Variants in CEP128 observed in about 807,000 individuals in gnomAD.
The protein encoded by CEP128 is centrosomal protein 128kDa.
Under a neutral mutation model 156.7 loss-of-function variants are expected in CEP128, and 132 were observed. That is an observed-to-expected ratio of 0.84 (90% confidence interval 0.73 to 0.97). The LOEUF (loss-of-function observed/expected upper bound fraction) is 0.97. Among genes scored for constraint, CEP128 ranks in the 50% least tolerant of loss-of-function variants. The probability of loss-of-function intolerance (pLI) is 0.00; values close to 1 mark genes in which losing one functional copy is unlikely to be tolerated. For missense variants in CEP128, 1,252 were observed against 1,281.9 expected, an observed-to-expected ratio of 0.98 and a Z score of 0.36; for synonymous variants, 469 against 448.9, an observed-to-expected ratio of 1.04 and a Z score of -0.57.
intron 13 of CEP128, among the ~76,000 whole-genome samples, chr14:80,812,805 C>T (rs1487197404): frequency 2.0e-5 from 3 of 152,114 alleles, no homozygotes; most frequent in African/African-American, 7.2e-5. Context: ...CCTCGTGATC[C>T]GCCAACCTCA....
intron 9 of CEP128, among the ~76,000 whole-genome samples, chr14:80,846,981 A>G (rs78502324): frequency 1.3e-5 from 2 of 152,288 alleles, no homozygotes; most frequent in East Asian, 3.9e-4. Context: ...CAATACCAGA[A>G]AGATAATATA....
chr14:80,924,925 T>G (rs553105215), intron 2 of CEP128, among the ~76,000 whole-genome samples: 130 of 151,522 alleles, frequency 8.6e-4, no homozygotes, highest in Non-Finnish European at 1.7e-3. Flanking sequence ...ACAATGGCAG[T>G]GGAGATGAAG....
At chr14:80,536,396 A>T (rs756498635) in intron 21 of CEP128, among the ~76,000 whole-genome samples, 3 of 152,196 alleles carry the variant, frequency 2.0e-5, no homozygotes, top group Non-Finnish European at 4.4e-5. Flanking sequence ...ATTAAAGGAG[A>T]TGATATCTAC....
At chr14:80,760,649 C>T (rs327440) in intron 17 of CEP128, among the ~76,000 whole-genome samples, 62,001 of 151,826 alleles carry the variant, frequency 0.41, 13,062 homozygotes, top group African/African-American at 0.49. Context: ...TGTATTATGG[C>T]TACACATATC....
intron 22 of CEP128, among the ~76,000 whole-genome samples, chr14:80,528,266 A>C (rs1394655828): frequency 6.6e-6 from 1 of 152,196 alleles, no homozygotes; most frequent in African/African-American, 2.4e-5. Flanking sequence ...GTAATGTTTA[A>C]ATATGGAATT....
intron 19 of CEP128, among the ~76,000 whole-genome samples, chr14:80,659,234 C>G (rs1017861059): frequency 1.3e-5 from 2 of 151,774 alleles, no homozygotes; most frequent in Admixed American, 1.3e-4. Flanking sequence ...AGAAAAGTGG[C>G]AAGATTTGGT....
chr14:80,849,537 A>G (rs1255233743), intron 9 of CEP128, among the ~76,000 whole-genome samples: 1 of 152,218 alleles, frequency 6.6e-6, no homozygotes, highest in Non-Finnish European at 1.5e-5. Context: ...TCTAAATACT[A>G]TCCTAATACT....
chr14:80,955,953 T>C (rs1566735607), intron 2 of CEP128: 2 of 1,377,642 alleles, frequency 1.5e-6, no homozygotes, highest in African/African-American at 2.8e-5. Flanking sequence ...CGAAGTAGTG[T>C]GTGAGTGTGT....
intron 19 of CEP128, among the ~76,000 whole-genome samples, chr14:80,693,213 G>A (rs1896776347): frequency 2.0e-5 from 3 of 152,042 alleles, no homozygotes; most frequent in African/African-American, 7.2e-5. Context: ...AATATCTAGA[G>A]GATATTTATC....
At chr14:80,902,731 A>G (rs1399835350) in intron 6 of CEP128, among the ~76,000 whole-genome samples, 4 of 152,212 alleles carry the variant, frequency 2.6e-5, no homozygotes, top group Admixed American at 2.0e-4. Context: ...TCTATCAATG[A>G]TTCAACAATC....
intron 9 of CEP128, among the ~76,000 whole-genome samples, chr14:80,856,715 CTTTTCTT>C (rs557954365): frequency 0.053 from 3,842 of 72,704 alleles, 410 homozygotes; most frequent in African/African-American, 0.19. Context: ...TCATGTTTTT[CTTTTCTT>C]TTTTTTTTTT....
At chr14:80,589,684 C>G (rs1001128158) in intron 19 of CEP128, among the ~76,000 whole-genome samples, 18 of 152,110 alleles carry the variant, frequency 1.2e-4, no homozygotes, top group African/African-American at 4.3e-4. Flanking sequence ...GTAGACCAAC[C>G]TATAAAGTTT....
intron 13 of CEP128, among the ~76,000 whole-genome samples, chr14:80,798,546 A>C (rs1244745444): frequency 6.6e-6 from 1 of 152,194 alleles, no homozygotes; most frequent in Non-Finnish European, 1.5e-5. Context: ...ACCTGTATGG[A>C]GCAAAATTTT....
At chr14:80,533,151 C>T (rs942149267) in intron 21 of CEP128, among the ~76,000 whole-genome samples, 19 of 151,966 alleles carry the variant, frequency 1.3e-4, no homozygotes, top group Admixed American at 2.0e-4. Flanking sequence ...TTTTAGCCAC[C>T]GTATATGCCA....
intron 20 of CEP128, among the ~76,000 whole-genome samples, chr14:80,572,621 T>G (rs757410544): frequency 6.6e-6 from 1 of 152,134 alleles, no homozygotes; most frequent in Non-Finnish European, 1.5e-5. Flanking sequence ...AATTACAGGG[T>G]GCCCACTGAC....
chr14:80,542,110 T>C (rs927268681), intron 21 of CEP128, among the ~76,000 whole-genome samples: 2 of 152,252 alleles, frequency 1.3e-5, no homozygotes, highest in African/African-American at 4.8e-5. Flanking sequence ...GCCTTTCCTC[T>C]AAACTCTGGG....
Position 80,810,323 on chromosome 14 carries a change from C to CAAAAAAAAA in CEP128, c.1210-17222_1210-17214dup, listed in dbSNP as rs71103883. On this transcript the variant is annotated intron_variant, in intron 13 of 24. Coordinates refer to ENST00000555265, the MANE Select transcript of CEP128 (RefSeq NM_152446.5). Reference sequence around the variant, plus strand: ...GGGCGACAGAGCAAGACTCCATCTCCAAAAAAAAAAAAAAAAAAAAAAAAA... The same window carrying CAAAAAAAAA: ...GGGCGACAGAGCAAGACTCCATCTCCAAAAAAAAAAAAAAAAAAAAAAAAAAAAAAAAAA... 7.2e-4 allele frequency among the ~76,000 whole-genome samples: 11 copies of CAAAAAAAAA among 15,194 alleles called. 1 individual carries two copies. Among genetic ancestry groups the CAAAAAAAAA allele is most frequent in the Admixed American group, 2.1e-3 (2 of 950 alleles). 10.0% of individuals were successfully genotyped at this position (15,194 alleles called of 152,430 possible).
At chr14:80,736,164 A>C (rs936579) in intron 19 of CEP128, among the ~76,000 whole-genome samples, 95,945 of 151,606 alleles carry the variant, frequency 0.63, 32,647 homozygotes, top group African/African-American at 0.89. Context: ...AGCAGAAACG[A>C]CCTCCCAGAA....
At chr14:80,652,773 C>T (rs1050866623) in intron 19 of CEP128, among the ~76,000 whole-genome samples, 5 of 152,156 alleles carry the variant, frequency 3.3e-5, no homozygotes, top group Admixed American at 6.5e-5. Flanking sequence ...TTGTGGAAGA[C>T]AGTGTGGTGA....
Sources: gnomAD v4.1 joint callset for allele counts (sites outside exome capture counted in the v4.1 genomes callset) on GRCh38, gnomAD v4.1.1 for gene constraint, MANE v1.5 for transcripts, NCBI Gene and HGNC (gene_info 2026-07-23, HGNC 2026-07-21) for gene names.